SETD2: variants seen among roughly 807,000 people sequenced by gnomAD.
SETD2 encodes histone-lysine N-methyltransferase SETD2.
In SETD2, 31 loss-of-function variants were observed where a neutral mutation model predicts 242.1. The ratio of observed to expected loss-of-function variants is 0.13; its 90% confidence interval spans 0.10 to 0.17. SETD2 has a LOEUF of 0.17. Among genes scored for constraint, SETD2 ranks in the 10% least tolerant of loss-of-function variants. The probability of loss-of-function intolerance (pLI) is 1.00; values close to 1 mark genes in which losing one functional copy is unlikely to be tolerated. For missense variants in SETD2, 2,481 were observed against 3,046.3 expected, an observed-to-expected ratio of 0.81 and a Z score of 4.37; for synonymous variants, 1,006 against 1,066.5, an observed-to-expected ratio of 0.94 and a Z score of 1.11.
chr3:47,045,665 T>C (rs2039490714), intron 16 of SETD2, among the ~76,000 whole-genome samples: 1 of 140,558 alleles, frequency 7.1e-6, no homozygotes, highest in Admixed American at 7.2e-5. Context: ...GTCACTGCAC[T>C]CCAGCCTAGG....
chr3:47,141,298 G>A (rs989590196), intron 1 of SETD2, among the ~76,000 whole-genome samples: 16 of 152,060 alleles, frequency 1.1e-4, no homozygotes, highest in African/African-American at 3.4e-4. Flanking sequence ...ATGAGCCACT[G>A]CACCCAGTTG....
At chr3:47,025,187 T>C (rs1184561209) in intron 18 of SETD2, among the ~76,000 whole-genome samples, 1 of 152,162 alleles carries the variant, frequency 6.6e-6, no homozygotes, top group Non-Finnish European at 1.5e-5. Flanking sequence ...TCCTCTTTCT[T>C]TCATTCCCTA....
intron 3 of SETD2, among the ~76,000 whole-genome samples, chr3:47,118,493 G>A (rs959847897): frequency 3.3e-5 from 5 of 151,892 alleles, no homozygotes; most frequent in South Asian, 2.1e-4. Context: ...AGGCTGAGAC[G>A]GGCGGATCAC....
chr3:47,156,838 C>G (rs2044137413), intron 1 of SETD2, among the ~76,000 whole-genome samples: 1 of 152,200 alleles, frequency 6.6e-6, no homozygotes, highest in Non-Finnish European at 1.5e-5. Context: ...CTTCTCCATT[C>G]TAACATGAAT....
intron 14 of SETD2, among the ~76,000 whole-genome samples, chr3:47,059,817 C>A (rs542574333): frequency 1.3e-5 from 2 of 152,044 alleles, no homozygotes; most frequent in Admixed American, 1.3e-4. Context: ...GACAGTCTTT[C>A]TCTGTCACCC....
chr3:47,018,522 C>T (rs2038078838), intron 19 of SETD2, among the ~76,000 whole-genome samples: 3 of 152,166 alleles, frequency 2.0e-5, no homozygotes, highest in African/African-American at 7.2e-5. Flanking sequence ...ACAAGGTAGG[C>T]ACTAAATAAA....
At position 47,022,515 on chromosome 3, in the gene SETD2, A is replaced by C. The variant is rs569599463; in HGVS notation, c.7351-2675T>G. 3.3e-5 allele frequency among the ~76,000 whole-genome samples: 5 copies of C among 152,312 alleles called. No individual in the cohort carries two copies. In the East Asian group the frequency reaches 9.6e-4, roughly 29 times the overall value. On this transcript the variant is annotated intron_variant, in intron 18 of 20. Transcript: ENST00000409792. ...GAAATGCTGTCTCCAAAAAGAAAAA[A>C]AGCACTTTTAAGGAAACCACCAGAG...
chr3:47,161,513 C>T (rs547708833), intron 1 of SETD2, among the ~76,000 whole-genome samples: 1 of 152,218 alleles, frequency 6.6e-6, no homozygotes, highest in Admixed American at 6.5e-5. Flanking sequence ...TCTTCATATG[C>T]CAAACAGGTG....
At chr3:47,118,952 A>C (rs1017267323) in intron 3 of SETD2, among the ~76,000 whole-genome samples, 1 of 152,170 alleles carries the variant, frequency 6.6e-6, no homozygotes, top group Non-Finnish European at 1.5e-5. Flanking sequence ...ATAAATGAAA[A>C]TAGCTGTAAA....
At chr3:47,072,519 GA>G (rs2040868514) in intron 12 of SETD2, among the ~76,000 whole-genome samples, 1 of 151,624 alleles carries the variant, frequency 6.6e-6, no homozygotes, top group South Asian at 2.1e-4. Flanking sequence ...CTGAGAAAGA[GA>G]AAAAAAGACT....
At chr3:47,153,621 C>T (rs901115545) in intron 1 of SETD2, among the ~76,000 whole-genome samples, 2 of 152,034 alleles carry the variant, frequency 1.3e-5, no homozygotes, top group African/African-American at 4.8e-5. Context: ...GGTGTGGTGG[C>T]GCATGCCTGT....
chr3:47,025,061 C>T (rs2038411722), intron 18 of SETD2, among the ~76,000 whole-genome samples: 1 of 152,230 alleles, frequency 6.6e-6, no homozygotes, highest in South Asian at 2.1e-4. Flanking sequence ...TCACTCCATA[C>T]AGCTCTGTCT....
chr3:47,097,993 C>T lies in SETD2; in HGVS notation c.5104G>A (p.Gly1702Arg), dbSNP rs774710481. ...CGAGATCGTTCCTTCTTCATTTTCC[C>T]TCCTGCTGCTCTGATGCTGACTCTG... ...ENRVSIRAAG[G>R]KMKKERSRKK... is the part of the protein sequence containing the mutation. The change falls in exon 9 of 21, where the codon GGG (glycine) becomes AGG (arginine). Residue 1702 changes from glycine (G) to arginine (R), a missense_variant. Physicochemically the swap from Gly to Arg is moderately radical, Grantham distance 125 (BLOSUM62 -2). This residue lies in a region of SETD2 where 61 missense variants were observed against 221.4 expected (regional missense o/e 0.28). Coordinates refer to ENST00000409792, the MANE Select transcript of SETD2 (RefSeq NM_014159.7). 6.2e-7 allele frequency: 1 copy of T among 1,613,972 alleles called. No individual in the cohort carries two copies. The highest frequency in any genetic ancestry group is 1.1e-5 in the South Asian group (1 of 91,074).
intron 11 of SETD2, 72 bp downstream of exon 11, chr3:47,086,123 T>C (rs2041545594): frequency 1.3e-6 from 2 of 1,533,004 alleles, no homozygotes. Flanking sequence ...ATTACTGATA[T>C]TATCACATAT....
rs1575816326 is a variant in SETD2 at position 47,122,737 on chromosome 3, C to T, written c.1899G>A (p.Leu633=). ...DSPTLKKLDE[L]PIFKSEFITH... is the part of the protein sequence containing the mutation. ...TTATAAATTCGGACTTAAAAATAGG[C>T]AATTCATCTAGCTTTTTTAAAGTAG... Residue 633 remains leucine, a synonymous_variant, in exon 3 of 21, where the codon TTG becomes TTA. Coordinates refer to ENST00000409792, the MANE Select transcript of SETD2 (RefSeq NM_014159.7). 1 of 1,610,676 alleles carries T rather than the reference C, an allele frequency of 6.2e-7. No individual in the cohort carries two copies.
chr3:47,114,637 G>C, intron 4 of SETD2, among the ~76,000 whole-genome samples: 1 of 152,132 alleles, frequency 6.6e-6, no homozygotes, highest in Admixed American at 6.6e-5. Context: ...CCAGCACTTT[G>C]GGAGGCCAAG....
chr3:47,144,827 C>T (rs1326659135), intron 1 of SETD2, among the ~76,000 whole-genome samples: 2 of 151,492 alleles, frequency 1.3e-5, no homozygotes, highest in East Asian at 1.9e-4. Flanking sequence ...GGCACACACC[C>T]GTAATCCCAG....
chr3:47,111,079 TAAAAAAAAAA>T (rs10672755), intron 5 of SETD2, among the ~76,000 whole-genome samples: 1,126 of 78,832 alleles, frequency 0.014, 28 homozygotes, highest in African/African-American at 0.055. Context: ...GTGGTTCCTT[TAAAAAAAAAA>T]AAAAAAAAAA....
rs2043171703 is a variant in SETD2 at position 47,123,087 on chromosome 3, C to G, written c.1549G>C (p.Glu517Gln). ...TCATTTTCTGAAGTCCTTTTAGATT[C>G]TCTTTCTAGTTTTGAAGAATACTTG... ...RGKYSSKLER[E>Q]SKRTSENEAI... Residue 517 changes from glutamate to glutamine, a missense_variant, in exon 3 of 21, where the codon GAA becomes CAA. This residue lies in a region of SETD2 where 1,300 missense variants were observed against 1,259.2 expected (regional missense o/e 1.03). Transcript: ENST00000409792. The G allele has an allele frequency of 6.2e-7, 1 of 1,613,578 alleles. No homozygotes were observed. The highest frequency in any genetic ancestry group is 8.5e-7 in the Non-Finnish European group (1 of 1,179,756).
Sources: gnomAD v4.1 joint callset for allele counts (sites outside exome capture counted in the v4.1 genomes callset) on GRCh38, gnomAD v4.1.1 for gene constraint, gnomAD v4.1.1 regional missense constraint, MANE v1.5 for transcripts, NCBI Gene and HGNC (gene_info 2026-07-23, HGNC 2026-07-21) for gene names.